The following PEX7 variants were observed in gnomAD, a reference collection of about 807,000 sequenced individuals.
PEX7 encodes the protein peroxisomal biogenesis factor 7, also known as PTS2 receptor.
A neutral mutation model predicts 47.5 loss-of-function variants in PEX7; 34 were observed. The ratio of observed to expected loss-of-function variants is 0.72; its 90% CI spans 0.54 to 0.95. The LOEUF (loss-of-function observed/expected upper bound fraction) is 0.95, where lower values mean the gene tolerates loss of function less well. Ranked by LOEUF, PEX7 falls within the 40% of genes least tolerant of loss-of-function variation. The pLI is 0.00. For synonymous variants in PEX7, 141 were observed against 148.8 expected, an observed-to-expected ratio of 0.95 and a Z score of 0.38; for missense variants, 394 against 400.3, an observed-to-expected ratio of 0.98 and a Z score of 0.13.
chr6:136,858,062 C>T (rs150953741), intron 5 of PEX7, among the ~76,000 whole-genome samples: 61 of 152,342 alleles, frequency 4.0e-4, no homozygotes, highest in Middle Eastern at 3.4e-3. Flanking sequence ...GCAATCCTCC[C>T]GCCTTCAGCC....
intron 8 of PEX7, 133 bp from the exon 9 acceptor site, chr6:136,898,009 G>A: frequency 1.6e-6 from 1 of 643,956 alleles, no homozygotes; most frequent in Non-Finnish European, 2.8e-6. Flanking sequence ...GCTTAATAGT[G>A]GGGTTCTGTA....
chr6:136,822,662 C>A lies in PEX7; in HGVS notation c.-4C>A. On this transcript the variant is annotated 5_prime_UTR_variant, in exon 1 of 10. Coordinates refer to ENST00000318471, the MANE Select transcript of PEX7 (RefSeq NM_000288.4). ...GGCAGCGAGGGCCGGGGGCGGCGGG[C>A]GGGATGAGTGCGGTGTGCGGTGGAG... 1.3e-6 allele frequency: 2 copies of A among 1,521,860 alleles called. No homozygotes were observed. The highest frequency in any genetic ancestry group is 1.8e-6 in the Non-Finnish European group (2 of 1,139,406). 94.3% of individuals were successfully genotyped at this position (1,521,860 alleles called of 1,614,324 possible).
chr6:136,905,724 C>T (rs1775835050), intron 9 of PEX7, among the ~76,000 whole-genome samples: 1 of 152,164 alleles, frequency 6.6e-6, no homozygotes, highest in Non-Finnish European at 1.5e-5. Flanking sequence ...GGTGCAACTT[C>T]CCCTTAAAGC....
At chr6:136,902,043 C>A (rs944743017) in intron 9 of PEX7, among the ~76,000 whole-genome samples, 7 of 152,214 alleles carry the variant, frequency 4.6e-5, no homozygotes, top group African/African-American at 1.7e-4. Context: ...CCTCAGCCTC[C>A]CAAAGTGCTG....
intron 1 of PEX7, among the ~76,000 whole-genome samples, chr6:136,823,999 A>G (rs781325379): frequency 3.3e-5 from 5 of 152,218 alleles, no homozygotes; most frequent in African/African-American, 9.6e-5. Flanking sequence ...GCGAGATGCA[A>G]AAACTCATTT....
chr6:136,850,676 G>A (rs1774726395), intron 5 of PEX7, among the ~76,000 whole-genome samples: 1 of 152,138 alleles, frequency 6.6e-6, no homozygotes, highest in South Asian at 2.1e-4. Context: ...TGAAAGAGAA[G>A]GTCTTGAGTT....
At chr6:136,887,600 A>G (rs11969163) in intron 8 of PEX7, among the ~76,000 whole-genome samples, 6,744 of 151,638 alleles carry the variant, frequency 0.044, 184 homozygotes, top group African/African-American at 0.081. Flanking sequence ...ATTCCTTCAT[A>G]TGCGTATGTG....
chr6:136,910,700 C>T (rs531207679), intron 9 of PEX7, among the ~76,000 whole-genome samples: 5 of 152,290 alleles, frequency 3.3e-5, no homozygotes, highest in Non-Finnish European at 7.4e-5. Flanking sequence ...TTAGTCAAAA[C>T]GAGGTTTCTC....
intron 3 of PEX7, among the ~76,000 whole-genome samples, chr6:136,845,325 G>A (rs563471317): frequency 2.2e-4 from 34 of 152,288 alleles, no homozygotes; most frequent in Admixed American, 1.8e-3. Flanking sequence ...ACAGTGATTT[G>A]TTGGTAGGTT....
At chr6:136,850,966 T>C (rs1368486374) in intron 5 of PEX7, among the ~76,000 whole-genome samples, 4 of 134,894 alleles carry the variant, frequency 3.0e-5, no homozygotes, top group Non-Finnish European at 4.7e-5. Flanking sequence ...TTATTTCTGC[T>C]GTCTTTTTTT....
chr6:136,841,639 G>A (rs547832961), intron 3 of PEX7, among the ~76,000 whole-genome samples: 180 of 152,252 alleles, frequency 1.2e-3, no homozygotes, highest in African/African-American at 3.3e-3. Context: ...ATGCAGTGGC[G>A]TGATCACTGC....
At chr6:136,906,494 G>C (rs1420577148) in intron 9 of PEX7, among the ~76,000 whole-genome samples, 2 of 152,044 alleles carry the variant, frequency 1.3e-5, no homozygotes, top group Non-Finnish European at 2.9e-5. Context: ...ATGTGTGTGT[G>C]TGCATGTGTG....
chr6:136,913,232 A>G (rs1053532977), intron 9 of PEX7, among the ~76,000 whole-genome samples: 3 of 152,200 alleles, frequency 2.0e-5, no homozygotes, highest in Admixed American at 6.5e-5. Context: ...AAATATACCA[A>G]TTGGAATATA....
chr6:136,892,096 A>T (rs1293716319), intron 8 of PEX7, among the ~76,000 whole-genome samples: 1 of 152,216 alleles, frequency 6.6e-6, no homozygotes, highest in Non-Finnish European at 1.5e-5. Context: ...AGACTAGAGG[A>T]TGCAATAAGT....
intron 8 of PEX7, among the ~76,000 whole-genome samples, chr6:136,877,685 G>A (rs966240217): frequency 6.6e-6 from 1 of 152,210 alleles, no homozygotes; most frequent in African/African-American, 2.4e-5. Context: ...ATCTGTTTTG[G>A]TACCAGTACC....
At chr6:136,888,249 A>G (rs1775500594) in intron 8 of PEX7, among the ~76,000 whole-genome samples, 1 of 152,184 alleles carries the variant, frequency 6.6e-6, no homozygotes, top group African/African-American at 2.4e-5. Flanking sequence ...ACAGCTTCAA[A>G]TGATCATTTT....
intron 1 of PEX7, among the ~76,000 whole-genome samples, chr6:136,823,530 C>G (rs1774126003): frequency 6.6e-6 from 1 of 152,072 alleles, no homozygotes; most frequent in Admixed American, 6.6e-5. Context: ...TCTGCCCCAG[C>G]CCAGTGAGCT....
chr6:136,823,142 TCGGTCCGCTCGGCACAGCAGTA>T, intron 1 of PEX7: 19 of 985,370 alleles, frequency 1.9e-5, no homozygotes, highest in Non-Finnish European at 2.3e-5. Context: ...GTCCCTTGGA[TCGGTCCGCTCGGCACAGCAGTA>T]CGGGGAAGAC....
chr6:136,844,844 T>A (rs1049603144), intron 3 of PEX7, among the ~76,000 whole-genome samples: 13 of 152,340 alleles, frequency 8.5e-5, no homozygotes, highest in African/African-American at 2.9e-4. Context: ...TAAGCCCAGA[T>A]ACTCATACTT....
Sources: allele counts gnomAD v4.1 joint callset (sites outside exome capture counted in the v4.1 genomes callset), GRCh38; gene constraint gnomAD v4.1.1; transcripts MANE v1.5; gene names NCBI Gene and HGNC (gene_info 2026-07-23, HGNC 2026-07-21).